ZNF521: variants seen among roughly 807,000 people sequenced by gnomAD.
ZNF521 encodes zinc finger protein 521.
A neutral mutation model predicts 105.5 loss-of-function variants in ZNF521; 14 were observed. That is an observed-to-expected ratio of 0.13 (90% CI 0.09 to 0.21). The LOEUF is 0.21. Ranked by LOEUF, ZNF521 falls within the 10% of genes least tolerant of loss-of-function variation. The pLI, the probability that ZNF521 is intolerant of heterozygous loss-of-function variation, is 1.00. For synonymous variants in ZNF521, 635 were observed against 606.0 expected (o/e 1.05, Z -0.70); for missense variants, 1,233 against 1,629.7 (o/e 0.76, Z 4.19).
In ZNF521 at chr18:25,303,305, TGTGTGA is replaced by T. The variant is rs779089711; in HGVS notation, c.220+18697_220+18702del. ...GTGTGTGTGTGTGTGTGTGTGTGTG[TGTGTGA>T]GAGAGAGACGGAGTCTCGCTCTGTC... On this transcript the variant is annotated intron_variant, in intron 3 of 7. Coordinates refer to ENST00000361524, the MANE Select transcript of ZNF521 (RefSeq NM_015461.3). Among the ~76,000 whole-genome samples the T allele has an allele frequency of 4.7e-4, 53 of 113,514 alleles. 1 individual carries two copies. Among genetic ancestry groups the T allele is most frequent in the African/African-American group, 1.9e-3 (43 of 22,850 alleles). 74.5% of individuals were successfully genotyped at this position (113,514 alleles called of 152,430 possible). A position where few individuals can be genotyped will look rare whatever the true frequency, so the allele number is the denominator to read the frequency against.
chr18:25,324,792 A>T (rs377670909), intron 2 of ZNF521, among the ~76,000 whole-genome samples: 2 of 152,354 alleles, frequency 1.3e-5, no homozygotes, highest in East Asian at 3.9e-4. Context: ...GAATATGGAC[A>T]CTTTCCATGA....
intron 5 of ZNF521, among the ~76,000 whole-genome samples, chr18:25,146,018 G>A (rs1287841378): frequency 7.2e-6 from 1 of 139,530 alleles, no homozygotes; most frequent in African/African-American, 2.4e-5. Flanking sequence ...CAGGCATGGT[G>A]CTTAATGTTT....
At chr18:25,264,025 T>C (rs1170208169) in intron 3 of ZNF521, among the ~76,000 whole-genome samples, 2 of 152,242 alleles carry the variant, frequency 1.3e-5, no homozygotes, top group Admixed American at 6.5e-5. Flanking sequence ...AATCTTTTTA[T>C]ATCCAAAGTA....
chr18:25,143,633 T>C (rs865954081), intron 5 of ZNF521, among the ~76,000 whole-genome samples: 2 of 152,158 alleles, frequency 1.3e-5, no homozygotes, highest in Non-Finnish European at 2.9e-5. Flanking sequence ...GCAAAGATGC[T>C]AAGTAACAAA....
chr18:25,309,350 T>C (rs1415745839), intron 3 of ZNF521, among the ~76,000 whole-genome samples: 1 of 152,024 alleles, frequency 6.6e-6, no homozygotes. Flanking sequence ...GACACTTTGG[T>C]GGAAAAACAA....
At chr18:25,105,763 CTA>C (rs2034059386) in intron 5 of ZNF521, among the ~76,000 whole-genome samples, 1 of 152,114 alleles carries the variant, frequency 6.6e-6, no homozygotes, top group Admixed American at 6.5e-5. Flanking sequence ...AAGAAAACAA[CTA>C]AATTTCAGTA....
chr18:25,201,481 T>C (rs2035991707), intron 4 of ZNF521: 1 of 152,220 alleles, frequency 6.6e-6, no homozygotes, highest in Non-Finnish European at 1.5e-5. Flanking sequence ...TTTTCTTATT[T>C]GGTTTCTGGA....
intron 2 of ZNF521, among the ~76,000 whole-genome samples, chr18:25,324,225 A>C (rs1913084166): frequency 1.3e-5 from 2 of 152,134 alleles, no homozygotes; most frequent in Non-Finnish European, 2.9e-5. Context: ...AGGAGAAAAA[A>C]ATAGAGACTA....
chr18:25,212,428 T>G (rs1223381799), intron 4 of ZNF521, among the ~76,000 whole-genome samples: 1 of 139,406 alleles, frequency 7.2e-6, no homozygotes, highest in East Asian at 2.3e-4. Flanking sequence ...GAGAATCACT[T>G]GAACCCGGTA....
At chr18:25,076,587 A>C (rs866160161) in intron 7 of ZNF521, among the ~76,000 whole-genome samples, 14 of 152,234 alleles carry the variant, frequency 9.2e-5, no homozygotes, top group Admixed American at 5.9e-4. Flanking sequence ...CCATGAATAC[A>C]ATCGAGCTAA....
At chr18:25,139,025 T>C (rs1185378604) in intron 5 of ZNF521, among the ~76,000 whole-genome samples, 1 of 152,166 alleles carries the variant, frequency 6.6e-6, no homozygotes, top group Non-Finnish European at 1.5e-5. Context: ...GAAGAATCTA[T>C]ATGCCTGTTG....
chr18:25,349,248 T>TA (rs1019417694), intron 2 of ZNF521, among the ~76,000 whole-genome samples: 1 of 152,158 alleles, frequency 6.6e-6, no homozygotes, highest in Non-Finnish European at 1.5e-5. Context: ...AGCCGGGGTC[T>TA]CGGGCAAGTC....
At chr18:25,115,490 G>C (rs898157789) in intron 5 of ZNF521, among the ~76,000 whole-genome samples, 6 of 151,996 alleles carry the variant, frequency 3.9e-5, no homozygotes, top group African/African-American at 1.4e-4. Context: ...TTCATTAGCT[G>C]GTTCTTATAC....
Position 25,226,181 on chromosome 18 carries a change from C to T in ZNF521, c.1737G>A (p.Lys579=), listed in dbSNP as rs1372656172. The T allele has an allele frequency of 1.9e-6, 3 of 1,614,162 alleles. No homozygotes were observed. The highest frequency in any genetic ancestry group is 3.3e-5 in the Admixed American group (2 of 60,020). ...PIFNSVLKLN[K]HIKENHKNIP... is the part of the protein sequence containing the mutation. ...TGTTTTTATGATTCTCTTTGATATG[C>T]TTGTTCAGTTTAAGAACGCTGTTGA... Residue 579 remains lysine (K), a synonymous_variant, in exon 4 of 8, where the codon AAG becomes AAA. Coordinates refer to ENST00000361524, the MANE Select transcript of ZNF521 (RefSeq NM_015461.3). This position sits in a 1 kb window ranked among gnomAD's most constrained non-coding sequence, Gnocchi z 4.1.
chr18:25,300,549 G>A (rs1041400107), intron 3 of ZNF521, among the ~76,000 whole-genome samples: 3 of 152,000 alleles, frequency 2.0e-5, no homozygotes, highest in African/African-American at 2.4e-5. Context: ...TATTTTGGAT[G>A]TATTAGAAAG....
At chr18:25,132,381 T>C (rs1367345996) in intron 5 of ZNF521, among the ~76,000 whole-genome samples, 1 of 152,164 alleles carries the variant, frequency 6.6e-6, no homozygotes, top group Non-Finnish European at 1.5e-5. Context: ...CATGAGCAAC[T>C]GCACACTCCT....
At chr18:25,160,510 C>T (rs568088228) in intron 5 of ZNF521, among the ~76,000 whole-genome samples, 70 of 152,080 alleles carry the variant, frequency 4.6e-4, no homozygotes, top group African/African-American at 1.6e-3. Flanking sequence ...CACTTATGCA[C>T]ACACACACAC....
intron 3 of ZNF521, among the ~76,000 whole-genome samples, chr18:25,268,381 C>A (rs1362688764): frequency 1.3e-5 from 2 of 152,178 alleles, no homozygotes; most frequent in African/African-American, 4.8e-5. Flanking sequence ...ATCAGGAGAA[C>A]TTACCCAACC....
intron 5 of ZNF521, among the ~76,000 whole-genome samples, chr18:25,138,266 A>C (rs35528725): frequency 6.6e-6 from 1 of 152,098 alleles, no homozygotes; most frequent in East Asian, 1.9e-4. Context: ...GGTGTCAAAG[A>C]CCTCAACATA....
Sources: allele counts gnomAD v4.1 joint callset (sites outside exome capture counted in the v4.1 genomes callset), GRCh38; gene constraint gnomAD v4.1.1; non-coding constraint Gnocchi (gnomAD v3.1); transcripts MANE v1.5; gene names NCBI Gene and HGNC (gene_info 2026-07-23, HGNC 2026-07-21).